The following SEC63 variants were observed in gnomAD, a reference collection of about 807,000 sequenced individuals.
SEC63 encodes the protein SEC63 protein translocation regulator.
Under a neutral mutation model 116.2 loss-of-function variants are expected in SEC63, and 56 were observed. The ratio of observed to expected loss-of-function variants is 0.48; its 90% CI spans 0.39 to 0.60. The LOEUF is 0.60. Ranked by LOEUF, SEC63 falls within the 20% of genes least tolerant of loss-of-function variation. SEC63 has a pLI of 0.00. For synonymous variants in SEC63, 273 were observed against 294.6 expected, an observed-to-expected ratio of 0.93 and a Z score of 0.75; for missense variants, 668 against 900.0, an observed-to-expected ratio of 0.74 and a Z score of 3.30.
intron 1 of SEC63, among the ~76,000 whole-genome samples, chr6:107,931,641 C>T (rs1787812687): frequency 2.0e-5 from 3 of 150,846 alleles, no homozygotes; most frequent in Non-Finnish European, 3.0e-5. Flanking sequence ...CCCAGCTACT[C>T]GGGAGGCTGA....
At chr6:107,948,748 C>T (rs1477138714) in intron 1 of SEC63, among the ~76,000 whole-genome samples, 1 of 152,164 alleles carries the variant, frequency 6.6e-6, no homozygotes, top group East Asian at 1.9e-4. Flanking sequence ...AAGATCCAGA[C>T]CCACCAAAAC....
chr6:107,955,178 GATA>G (rs1562345340), intron 1 of SEC63, among the ~76,000 whole-genome samples: 1 of 152,204 alleles, frequency 6.6e-6, no homozygotes, highest in East Asian at 1.9e-4. Flanking sequence ...TGTAAATGGA[GATA>G]ATAATAGAAC....
At chr6:107,880,752 A>T (rs1786396210) in intron 18 of SEC63, among the ~76,000 whole-genome samples, 1 of 152,178 alleles carries the variant, frequency 6.6e-6, no homozygotes, top group Admixed American at 6.5e-5. Flanking sequence ...GAGAAAATTT[A>T]AGAATTTTTT....
intron 19 of SEC63, among the ~76,000 whole-genome samples, chr6:107,876,055 A>G (rs543482548): frequency 1.3e-5 from 2 of 152,262 alleles, no homozygotes; most frequent in South Asian, 4.2e-4. Context: ...TAGAAAAAAA[A>G]CACACACACA....
At chr6:107,894,493 G>C (rs2114428745) in intron 14 of SEC63, among the ~76,000 whole-genome samples, 1 of 92,358 alleles carries the variant, frequency 1.1e-5, no homozygotes, top group East Asian at 3.0e-4. Flanking sequence ...GGGCAACAGA[G>C]CGAGACCCCA....
chr6:107,935,029 C>T (rs1282027495), intron 1 of SEC63, among the ~76,000 whole-genome samples: 8 of 128,774 alleles, frequency 6.2e-5, no homozygotes, highest in Admixed American at 7.5e-5. Flanking sequence ...CCACCCCGTC[C>T]GGGAGGTGAG....
At chr6:107,917,133 G>A (rs549066942) in intron 4 of SEC63, among the ~76,000 whole-genome samples, 1 of 152,178 alleles carries the variant, frequency 6.6e-6, no homozygotes, top group South Asian at 2.1e-4. Context: ...ACAAACAACA[G>A]CATGAGCGAT....
chr6:107,946,643 AC>A (rs1249903210), intron 1 of SEC63, among the ~76,000 whole-genome samples: 3 of 152,148 alleles, frequency 2.0e-5, no homozygotes, highest in Admixed American at 1.3e-4. Flanking sequence ...TGTCTGATAC[AC>A]CCCTCTGTCA....
At chr6:107,904,292 C>G (rs1387119861) in intron 11 of SEC63, among the ~76,000 whole-genome samples, 7 of 139,492 alleles carry the variant, frequency 5.0e-5, no homozygotes, top group East Asian at 4.5e-4. Context: ...CGCCTGTAAT[C>G]CCAGCTGCTC....
At chr6:107,914,860 C>A (rs938923606) in intron 4 of SEC63, among the ~76,000 whole-genome samples, 11 of 152,078 alleles carry the variant, frequency 7.2e-5, no homozygotes, top group Non-Finnish European at 1.5e-4. Context: ...TACAATACTC[C>A]CAGATTTTGC....
At chr6:107,918,903 CCTTTT>C (rs1282977809) in intron 4 of SEC63, among the ~76,000 whole-genome samples, 4,013 of 108,342 alleles carry the variant, frequency 0.037, 209 homozygotes, top group African/African-American at 0.12. Flanking sequence ...AAGCTGATTT[CCTTTT>C]TTTTTTTTTT....
At chr6:107,941,678 C>T (rs1452724783) in intron 1 of SEC63, among the ~76,000 whole-genome samples, 3 of 152,204 alleles carry the variant, frequency 2.0e-5, no homozygotes, top group Admixed American at 6.5e-5. Flanking sequence ...CGAGGTTGAA[C>T]GTACACCCTC....
chr6:107,887,733 A>C (rs149631585), intron 16 of SEC63, among the ~76,000 whole-genome samples: 1,927 of 152,226 alleles, frequency 0.013, 23 homozygotes, highest in Non-Finnish European at 0.021. Context: ...ATGTACCCTA[A>C]AACTTAAAGT....
chr6:107,939,430 C>T (rs1328842242), intron 1 of SEC63, among the ~76,000 whole-genome samples: 1 of 152,118 alleles, frequency 6.6e-6, no homozygotes, highest in Non-Finnish European at 1.5e-5. Flanking sequence ...ACCTAATTGG[C>T]AAAGGCAGTT....
intron 3 of SEC63, among the ~76,000 whole-genome samples, chr6:107,923,351 C>T (rs1457207093): frequency 5.9e-5 from 9 of 152,130 alleles, no homozygotes; most frequent in African/African-American, 2.2e-4. Context: ...TGGCCTCAAG[C>T]AATCCTCCTA....
chr6:107,956,291 A>G (rs1339702600), intron 1 of SEC63, among the ~76,000 whole-genome samples: 2 of 152,158 alleles, frequency 1.3e-5, no homozygotes, highest in African/African-American at 4.8e-5. Context: ...CTACACTACC[A>G]ATTGCACACA....
intron 13 of SEC63, 73 bp from the exon 14 acceptor site, chr6:107,897,804 A>G: frequency 1.0e-6 from 1 of 975,950 alleles, no homozygotes. Flanking sequence ...AGCAAAACTT[A>G]GCTTACCCAA....
Position 107,932,576 on chromosome 6 carries a change from C to A in SEC63, c.125-3062G>T, listed in dbSNP as rs191311476. The stretch of plus-strand genomic sequence containing the variant: ...TGAATAAGTTAATATATTAAAGATA[C>A]CTGGAGTCAGTTTTCCACTGTCAAG... On this transcript the variant is annotated intron_variant, in intron 1 of 20. Coordinates refer to ENST00000369002, the MANE Select transcript of SEC63 (RefSeq NM_007214.5). Among the ~76,000 whole-genome samples the A allele has an allele frequency of 2.6e-5, 4 of 152,144 alleles. No homozygotes were observed. The East Asian group carries it at 7.7e-4, about 29-fold the overall frequency.
intron 19 of SEC63, among the ~76,000 whole-genome samples, chr6:107,873,957 A>G (rs1786193209): frequency 6.6e-6 from 1 of 152,242 alleles, no homozygotes; most frequent in Non-Finnish European, 1.5e-5. Flanking sequence ...TGATTCAGAA[A>G]AGAATCATCA....
Sources: gnomAD v4.1 joint callset for allele counts (sites outside exome capture counted in the v4.1 genomes callset) on GRCh38, gnomAD v4.1.1 for gene constraint, MANE v1.5 for transcripts, NCBI Gene and HGNC (gene_info 2026-07-23, HGNC 2026-07-21) for gene names.